Variants in RPRD1A observed in about 807,000 individuals in gnomAD.
RPRD1A encodes regulation of nuclear pre-mRNA domain containing 1A, also known as regulation of nuclear pre-mRNA domain-containing protein 1A.
Under a neutral mutation model 37.8 loss-of-function variants are expected in RPRD1A, and 9 were observed. That is an observed-to-expected ratio of 0.24 (90% confidence interval 0.14 to 0.42). The LOEUF is 0.42. Among genes scored for constraint, RPRD1A ranks in the 10% least tolerant of loss-of-function variants. RPRD1A has a pLI of 1.00. For synonymous variants in RPRD1A, 138 were observed against 139.7 expected, an observed-to-expected ratio of 0.99 and a Z score of 0.08; for missense variants, 255 against 371.0, an observed-to-expected ratio of 0.69 and a Z score of 2.57.
chr18:36,059,364 C>T (rs1417803084), intron 1 of RPRD1A, among the ~76,000 whole-genome samples: 1 of 152,150 alleles, frequency 6.6e-6, no homozygotes, highest in Non-Finnish European at 1.5e-5. Flanking sequence ...TCTCAAACTC[C>T]TGACCTCATG....
intron 6 of RPRD1A, 99 bp downstream of exon 6, chr18:36,026,801 T>TA: frequency 8.5e-7 from 1 of 1,178,952 alleles, no homozygotes; most frequent in Non-Finnish European, 1.2e-6. Flanking sequence ...AGGTCTATGT[T>TA]AAAAAATGCA....
At chr18:36,008,575 G>GTGTGTGTA (rs1555670677) in intron 6 of RPRD1A, among the ~76,000 whole-genome samples, 1,008 of 41,962 alleles carry the variant, frequency 0.024, 46 homozygotes, top group Non-Finnish European at 0.039. Context: ...GACCTTGTGT[G>GTGTGTGTA]TGTATATATA....
chr18:36,026,484 G>C (rs1040077531), intron 6 of RPRD1A: 1 of 156,250 alleles, frequency 6.4e-6, no homozygotes, highest in Non-Finnish European at 1.4e-5. Flanking sequence ...AGAATTGGCG[G>C]GTGGAATTAA....
intron 1 of RPRD1A, among the ~76,000 whole-genome samples, chr18:36,042,768 C>T (rs535341160): frequency 1.3e-5 from 2 of 152,162 alleles, no homozygotes; most frequent in African/African-American, 4.8e-5. Flanking sequence ...AGACTAAAGT[C>T]TGACACCAAC....
intron 1 of RPRD1A, among the ~76,000 whole-genome samples, chr18:36,058,547 C>T (rs894595426): frequency 5.9e-5 from 9 of 152,086 alleles, no homozygotes; most frequent in Admixed American, 5.9e-4. Flanking sequence ...CTTAACGTCA[C>T]AGGAAAGAGA....
At chr18:35,995,945 T>C (rs1909027162) in intron 6 of RPRD1A, among the ~76,000 whole-genome samples, 1 of 152,190 alleles carries the variant, frequency 6.6e-6, no homozygotes, top group African/African-American at 2.4e-5. Context: ...ACGTGACCAG[T>C]AGTGCTGAAA....
rs553322070 is a variant in RPRD1A, at chr18:36,030,762, C to G, written c.486+46G>C. 118 of 1,147,772 alleles carry G rather than the reference C, an allele frequency of 1.0e-4. 3 individuals carry two copies. The highest frequency in any genetic ancestry group is 9.6e-4 in the South Asian group (72 of 74,978). 71.1% of individuals were successfully genotyped at this position (1,147,772 alleles called of 1,614,324 possible). ...CGAAATTAATAAAGCTTGGTGGCAA[C>G]ATGAAGTAAAAGTTTGTAACTCTTT... is the stretch of plus-strand genomic sequence containing the variant. On this transcript the variant is annotated intron_variant, in intron 4 of 6. Coordinates refer to ENST00000399022, the MANE Select transcript of RPRD1A (RefSeq NM_018170.5).
rs28428728 is a variant in RPRD1A, at chr18:36,018,857, T to C, written c.789+8043A>G. Among the ~76,000 whole-genome samples the C allele has an allele frequency of 9.8e-3, 1,497 of 152,108 alleles. 24 individuals carry two copies. The highest frequency in any genetic ancestry group is 0.034 in the African/African-American group (1,422 of 41,502). On this transcript the variant is annotated intron_variant, in intron 6 of 6. Coordinates refer to ENST00000399022, the MANE Select transcript of RPRD1A (RefSeq NM_018170.5). ...AGTAGATGGGACCAAAAGAAAAGGA[T>C]GTAGGACTCTCTGAAGACTTGACAT...
intron 1 of RPRD1A, among the ~76,000 whole-genome samples, chr18:36,063,514 T>C (rs530134404): frequency 2.0e-3 from 299 of 152,350 alleles, no homozygotes; most frequent in African/African-American, 7.0e-3. Context: ...CACATTTTTG[T>C]CTTTACACAC....
In RPRD1A at chr18:36,067,539, C is replaced by G; in HGVS notation, c.-135G>C. The G allele has an allele frequency of 1.1e-6, 1 of 885,692 alleles. No homozygotes were observed. The highest frequency in any genetic ancestry group is 1.6e-6 in the Non-Finnish European group (1 of 609,070). The allele number at this position is 885,692 out of a possible 1,614,324, so 54.9% of individuals were successfully genotyped here. On this transcript the variant is annotated 5_prime_UTR_variant, in exon 1 of 7. Transcript: ENST00000399022. ...ACCACGGCCGCCGCTTCATCCAAGA[C>G]CGGCCGCAAACCAGCAAGATGGCGT... is the stretch of plus-strand genomic sequence containing the variant.
intron 6 of RPRD1A, among the ~76,000 whole-genome samples, chr18:36,023,336 T>C (rs1911137816): frequency 6.6e-6 from 1 of 152,284 alleles, no homozygotes; most frequent in East Asian, 1.9e-4. Context: ...ACTTCAGTGG[T>C]GAAAATAACT....
intron 6 of RPRD1A, among the ~76,000 whole-genome samples, chr18:36,013,778 CAT>C (rs1384652934): frequency 6.6e-6 from 1 of 152,064 alleles, no homozygotes; most frequent in Non-Finnish European, 1.5e-5. Context: ...ATTTCTGACA[CAT>C]GAATCAAGTA....
chr18:36,061,713 C>T (rs1472196597), intron 1 of RPRD1A, among the ~76,000 whole-genome samples: 1 of 152,208 alleles, frequency 6.6e-6, no homozygotes, highest in East Asian at 1.9e-4. Flanking sequence ...AGACAACCCA[C>T]TGAATGGAAG....
chr18:36,029,940 G>C (rs1228795279), intron 4 of RPRD1A, among the ~76,000 whole-genome samples: 1 of 151,386 alleles, frequency 6.6e-6, no homozygotes, highest in Non-Finnish European at 1.5e-5. Flanking sequence ...CGAGTAGCTG[G>C]GACTACAGGC....
intron 6 of RPRD1A, among the ~76,000 whole-genome samples, chr18:35,996,784 C>T (rs1166961549): frequency 2.0e-5 from 3 of 151,750 alleles, no homozygotes; most frequent in African/African-American, 7.3e-5. Context: ...TGAGACCAGC[C>T]TGGGCAATAA....
chr18:36,042,583 C>T (rs187617898), intron 1 of RPRD1A, among the ~76,000 whole-genome samples: 4 of 152,288 alleles, frequency 2.6e-5, no homozygotes, highest in East Asian at 3.9e-4. Context: ...CTCATTCGTA[C>T]GTTTTTTAAA....
chr18:36,067,120 C>T lies in RPRD1A; in HGVS notation c.151+134G>A, dbSNP rs550112339. On this transcript the variant is annotated intron_variant, in intron 1 of 6. Transcript: ENST00000399022. ...TGCAGAAGCGTGGTGCACGCAGCTC[C>T]TCCAAGCCCGCAGACCACCGCGCGC... The T allele has an allele frequency of 7.8e-6, 7 of 898,900 alleles. No individual in the cohort carries two copies. The East Asian group carries it at 1.6e-4, about 21-fold the overall frequency. The allele number at this position is 898,900 out of a possible 1,614,324, so 55.7% of individuals were successfully genotyped here.
intron 6 of RPRD1A, among the ~76,000 whole-genome samples, chr18:36,021,289 C>A (rs1330234803): frequency 1.3e-5 from 2 of 152,196 alleles, no homozygotes; most frequent in Admixed American, 1.3e-4. Flanking sequence ...CTAGAGGTAC[C>A]ATTTTCCCAA....
At position 36,007,715 on chromosome 18, in the gene RPRD1A, G is replaced by A. The variant is rs148758053; in HGVS notation, c.790-14415C>T. 3.8e-3 allele frequency among the ~76,000 whole-genome samples: 576 copies of A among 152,158 alleles called. 2 individuals are homozygous for A. The highest frequency in any genetic ancestry group is 7.6e-3 in the Admixed American group (116 of 15,266). ...AGCACTTTGGGAGGCTGAGGTGGGC[G>A]GATCACGAGGTCAAGAGATCAAGAC... On this transcript the variant is annotated intron_variant, in intron 6 of 6. Coordinates refer to ENST00000399022, the MANE Select transcript of RPRD1A (RefSeq NM_018170.5).
Sources: allele counts gnomAD v4.1 joint callset (sites outside exome capture counted in the v4.1 genomes callset), GRCh38; gene constraint gnomAD v4.1.1; transcripts MANE v1.5; gene names NCBI Gene and HGNC (gene_info 2026-07-23, HGNC 2026-07-21).